CFAP206: variants seen among roughly 807,000 people sequenced by gnomAD.
CFAP206 encodes cilia- and flagella-associated protein 206.
A neutral mutation model predicts 65.4 loss-of-function variants in CFAP206; 53 were observed. That is an observed-to-expected ratio of 0.81 (90% CI 0.65 to 1.02). CFAP206 has a LOEUF of 1.02. CFAP206 is among the 50% of genes least tolerant of loss of function. The probability of loss-of-function intolerance (pLI) is 0.00; values close to 1 mark genes in which losing one functional copy is unlikely to be tolerated. For missense variants in CFAP206, 663 were observed against 753.2 expected, an observed-to-expected ratio of 0.88 and a Z score of 1.40; for synonymous variants, 250 against 254.4, an observed-to-expected ratio of 0.98 and a Z score of 0.17.
At chr6:87,415,626 C>T (rs1767812079) in intron 4 of CFAP206, 60 bp from the exon 5 acceptor site, 1 of 1,464,412 alleles carries the variant, frequency 6.8e-7, no homozygotes, top group Non-Finnish European at 9.5e-7. Flanking sequence ...TTCTCTAGTT[C>T]TTACGTAAGA....
intron 9 of CFAP206, among the ~76,000 whole-genome samples, chr6:87,429,572 T>C (rs1027827974): frequency 6.6e-6 from 1 of 152,192 alleles, no homozygotes; most frequent in East Asian, 1.9e-4. Flanking sequence ...TTAGGTCCTT[T>C]AGAAGATGCA....
intron 6 of CFAP206, among the ~76,000 whole-genome samples, chr6:87,417,095 C>T (rs1050588235): frequency 6.6e-6 from 1 of 152,124 alleles, no homozygotes; most frequent in African/African-American, 2.4e-5. Flanking sequence ...GCTAACCTCC[C>T]AGTTCAGCAG....
intron 6 of CFAP206, 91 bp downstream of exon 6, chr6:87,416,918 C>T (rs1489038237): frequency 9.3e-7 from 1 of 1,076,928 alleles, no homozygotes; most frequent in Non-Finnish European, 1.3e-6. Flanking sequence ...ACACCACTGG[C>T]ATTCTTAAAT....
At chr6:87,417,653 C>T (rs1214567196) in intron 6 of CFAP206, among the ~76,000 whole-genome samples, 1 of 151,272 alleles carries the variant, frequency 6.6e-6, no homozygotes, top group Non-Finnish European at 1.5e-5. Context: ...ATACCAAACT[C>T]TGCCTATTCT....
intron 3 of CFAP206, among the ~76,000 whole-genome samples, chr6:87,412,431 A>G (rs1767749402): frequency 6.6e-6 from 1 of 152,080 alleles, no homozygotes; most frequent in Non-Finnish European, 1.5e-5. Context: ...GTGAGCAGTG[A>G]AGGAAGTGGG....
At chr6:87,429,986 G>C (rs1562247061) in intron 9 of CFAP206, among the ~76,000 whole-genome samples, 1 of 152,108 alleles carries the variant, frequency 6.6e-6, no homozygotes, top group Non-Finnish European at 1.5e-5. Context: ...TGTATATTAA[G>C]CTAACCATAT....
chr6:87,415,815 T>C lies in CFAP206; in HGVS notation c.413T>C (p.Val138Ala), dbSNP rs1207212222. The stretch of plus-strand genomic sequence containing the variant: ...CTCTACCGGAAGATTATCAGCTATG[T>C]GTTACTCCGCTCTGGCCTTGGATCC... Reference protein sequence around the residue: ...ESLYRKIISYVLLRSGLGSPT... With the variant: ...ESLYRKIISYALLRSGLGSPT... The change falls in exon 5 of 13, where the codon GTG (valine) becomes GCG (alanine). Residue 138 changes from valine to alanine, a missense_variant. Physicochemically the swap from Val to Ala is moderately conservative, Grantham distance 64. Transcript: ENST00000369562. 6.2e-7 allele frequency: 1 copy of C among 1,613,094 alleles called. No homozygotes were observed.
intron 1 of CFAP206, chr6:87,408,901 A>G (rs1767676506): frequency 6.6e-6 from 1 of 152,198 alleles, no homozygotes; most frequent in African/African-American, 2.4e-5. Context: ...AGTTGGCTTT[A>G]TCTACCTGAT....
intron 11 of CFAP206, among the ~76,000 whole-genome samples, chr6:87,459,263 T>G (rs1768701137): frequency 6.6e-6 from 1 of 152,162 alleles, no homozygotes; most frequent in African/African-American, 2.4e-5. Context: ...CTCTTCCGTT[T>G]TTTGTCTGTA....
chr6:87,409,810 T>TA (rs11350856), intron 1 of CFAP206, 25 bp from the exon 2 acceptor site: 113 of 1,506,102 alleles, frequency 7.5e-5, no homozygotes, highest in Middle Eastern at 3.4e-4. Context: ...ACGGTTTTTT[T>TA]AAAAAAAATT....
intron 11 of CFAP206, among the ~76,000 whole-genome samples, chr6:87,456,407 G>A (rs1480483071): frequency 2.0e-5 from 3 of 152,116 alleles, no homozygotes; most frequent in Non-Finnish European, 4.4e-5. Flanking sequence ...CAGACCCAGA[G>A]GTAGTATCAT....
chr6:87,427,982 CTTTTTTTTTTTT>C (rs10693817), intron 8 of CFAP206, among the ~76,000 whole-genome samples: 1 of 93,920 alleles, frequency 1.1e-5, no homozygotes, highest in Non-Finnish European at 2.1e-5. Flanking sequence ...CTCCACCCTC[CTTTTTTTTTTTT>C]TTTTTTTTTT....
At chr6:87,426,671 C>T in intron 8 of CFAP206, 26 bp downstream of exon 8, 1 of 1,516,130 alleles carries the variant, frequency 6.6e-7, no homozygotes, top group Non-Finnish European at 8.8e-7. Flanking sequence ...AAACTTTGAC[C>T]TTAAGGTGAA....
Position 87,464,300 on chromosome 6 carries a change from A to G in CFAP206, c.*50A>G. The G allele has an allele frequency of 7.0e-7, 1 of 1,430,128 alleles. No individual in the cohort carries two copies. Among genetic ancestry groups the G allele is most frequent in the Non-Finnish European group, 9.7e-7 (1 of 1,036,228 alleles). The allele number at this position is 1,430,128 out of a possible 1,614,324, so 88.6% of individuals were successfully genotyped here. A position where few individuals can be genotyped will look rare whatever the true frequency, so the allele number is the denominator to read the frequency against. On this transcript the variant is annotated 3_prime_UTR_variant, in exon 13 of 13. Transcript: ENST00000369562. ...TGCTACTCAATTATGAACAATAGCA[A>G]GTACTTAAAGGTATATTAACATCTA...
At chr6:87,448,507 G>T (rs1768486010) in intron 11 of CFAP206, among the ~76,000 whole-genome samples, 1 of 152,036 alleles carries the variant, frequency 6.6e-6, no homozygotes, top group Non-Finnish European at 1.5e-5. Context: ...TTTGTGTTGG[G>T]AACATTCAGA....
At chr6:87,432,813 G>A (rs1374081126) in intron 10 of CFAP206, among the ~76,000 whole-genome samples, 1 of 152,202 alleles carries the variant, frequency 6.6e-6, no homozygotes, top group East Asian at 1.9e-4. Flanking sequence ...CTCTGGATAA[G>A]TGAATTCTGA....
intron 11 of CFAP206, among the ~76,000 whole-genome samples, chr6:87,449,162 C>T (rs992639663): frequency 9.9e-5 from 15 of 152,068 alleles, no homozygotes; most frequent in Non-Finnish European, 8.8e-5. Flanking sequence ...CTGGGCCAGG[C>T]GCGGTGGCTC....
rs749653642 is a variant in CFAP206, at chr6:87,416,692, C to G, written c.496C>G (p.Gln166Glu). Residue 166 changes from glutamine to glutamate, a missense_variant, in exon 6 of 13, where the codon CAG (glutamine) becomes GAG (glutamate). By Grantham distance (29) the Gln-to-Glu change is conservative. Transcript: ENST00000369562. ...VTAALQSVFP[Q>E]AELGTFLTLS... ...AGCTGCTCTACAGAGTGTTTTTCCT[C>G]AGGCAGAGCTTGGGACATTTCTAAC... is the stretch of plus-strand genomic sequence containing the variant. 6.2e-7 allele frequency: 1 copy of G among 1,609,174 alleles called. No homozygotes were observed. The highest frequency in any genetic ancestry group is 8.5e-7 in the Non-Finnish European group (1 of 1,177,772).
At chr6:87,422,829 A>G (rs568239957) in intron 7 of CFAP206, among the ~76,000 whole-genome samples, 8 of 152,288 alleles carry the variant, frequency 5.3e-5, no homozygotes, top group African/African-American at 1.9e-4. Context: ...ATGTAAGTAG[A>G]GTAATTTCTA....
Sources: gnomAD v4.1 joint callset for allele counts (sites outside exome capture counted in the v4.1 genomes callset) on GRCh38, gnomAD v4.1.1 for gene constraint, MANE v1.5 for transcripts, NCBI Gene and HGNC (gene_info 2026-07-23, HGNC 2026-07-21) for gene names.